The following CCDC102B variants were observed in gnomAD, a reference collection of about 807,000 sequenced individuals.
CCDC102B encodes the protein coiled-coil domain containing 102B, also known as coiled-coil domain-containing protein 102B.
Under a neutral mutation model 57.4 loss-of-function variants are expected in CCDC102B, and 75 were observed. The observed-to-expected ratio is 1.31, with a 90% CI of 1.08 to 1.58. The LOEUF (loss-of-function observed/expected upper bound fraction) is 1.58, where lower values mean the gene tolerates loss of function less well. CCDC102B is among the 40% of genes most tolerant of loss of function. The pLI is 0.00. For missense variants in CCDC102B, 636 were observed against 582.6 expected, an observed-to-expected ratio of 1.09 and a Z score of -0.94; for synonymous variants, 206 against 201.9, an observed-to-expected ratio of 1.02 and a Z score of -0.17.
chr18:68,999,230 T>G (rs544643084), intron 6 of CCDC102B, among the ~76,000 whole-genome samples: 2 of 152,022 alleles, frequency 1.3e-5, no homozygotes, highest in East Asian at 3.9e-4. Context: ...TAGAAGGTTT[T>G]GCTTTGAGGG....
At chr18:68,960,871 G>T (rs1033887099) in intron 6 of CCDC102B, among the ~76,000 whole-genome samples, 1 of 152,152 alleles carries the variant, frequency 6.6e-6, no homozygotes, top group Non-Finnish European at 1.5e-5. Context: ...GCCAAGGGAT[G>T]GGGAAGGTGG....
At chr18:68,897,581 G>A in intron 6 of CCDC102B, 153 bp downstream of exon 6, 1 of 1,577,920 alleles carries the variant, frequency 6.3e-7, no homozygotes, top group Non-Finnish European at 8.6e-7. Context: ...CCACTAGGAT[G>A]TAAAATAACG....
chr18:68,728,960 A>T lies in CCDC102B; in HGVS notation c.-67+12366A>T, dbSNP rs575182961. On this transcript the variant is annotated intron_variant, in intron 2 of 3. Transcript: ENST00000578970. ...GATTTTTTTTTAAAAAAGTTCATGT[A>T]TTCTGCGGGAGTAAATTTAAAAAAA... Among the ~76,000 whole-genome samples, 3 of 152,238 alleles carry T rather than the reference A, an allele frequency of 2.0e-5. No homozygotes were observed. In the South Asian group the frequency reaches 6.2e-4, roughly 32 times the overall value.
intron 7 of CCDC102B, among the ~76,000 whole-genome samples, chr18:69,019,522 CA>C (rs2051767010): frequency 6.6e-6 from 1 of 151,660 alleles, no homozygotes; most frequent in African/African-American, 2.4e-5. Flanking sequence ...ATTTCTTGTT[CA>C]GATAGTTTGT....
At chr18:68,777,586 G>A (rs2034865537) in intron 2 of CCDC102B, among the ~76,000 whole-genome samples, 1 of 151,900 alleles carries the variant, frequency 6.6e-6, no homozygotes, top group Non-Finnish European at 1.5e-5. Flanking sequence ...TCTTTTTCTT[G>A]GCATGGGTTA....
At chr18:68,921,078 T>C (rs2041261411) in intron 6 of CCDC102B, among the ~76,000 whole-genome samples, 1 of 152,144 alleles carries the variant, frequency 6.6e-6, no homozygotes, top group South Asian at 2.1e-4. Flanking sequence ...TTCACCTACT[T>C]AGTTATGAAC....
chr18:69,053,553 A>G (rs959431979), intron 7 of CCDC102B, among the ~76,000 whole-genome samples: 1 of 151,838 alleles, frequency 6.6e-6, no homozygotes, highest in Non-Finnish European at 1.5e-5. Context: ...CTCTATTAAA[A>G]TAAATGAATA....
intron 6 of CCDC102B, among the ~76,000 whole-genome samples, chr18:68,912,564 T>C (rs925412461): frequency 6.6e-6 from 1 of 152,218 alleles, no homozygotes; most frequent in Non-Finnish European, 1.5e-5. Flanking sequence ...TATATTTGCA[T>C]TGAATAAGTT....
chr18:68,990,506 T>G (rs2050836003), intron 6 of CCDC102B, among the ~76,000 whole-genome samples: 3 of 152,214 alleles, frequency 2.0e-5, no homozygotes. Flanking sequence ...CCTCATTTTT[T>G]GTTTATCTTG....
chr18:68,982,481 A>G (rs2050615413), intron 6 of CCDC102B, among the ~76,000 whole-genome samples: 1 of 151,872 alleles, frequency 6.6e-6, no homozygotes, highest in African/African-American at 2.4e-5. Flanking sequence ...TACTCACCTA[A>G]ACATTTTAGT....
chr18:68,864,414 C>T (rs2038889689), intron 4 of CCDC102B, among the ~76,000 whole-genome samples: 2 of 152,020 alleles, frequency 1.3e-5, no homozygotes, highest in Non-Finnish European at 2.9e-5. Context: ...TGGGATCCTA[C>T]TGCTGCCTGC....
At chr18:69,015,374 A>G (rs2051637500) in intron 7 of CCDC102B, among the ~76,000 whole-genome samples, 1 of 152,212 alleles carries the variant, frequency 6.6e-6, no homozygotes, top group South Asian at 2.1e-4. Flanking sequence ...TCTCTGATTA[A>G]AGGTCACCAC....
intron 5 of CCDC102B, among the ~76,000 whole-genome samples, chr18:68,892,397 G>T (rs1005213748): frequency 4.6e-5 from 7 of 152,036 alleles, no homozygotes; most frequent in Admixed American, 6.6e-5. Flanking sequence ...CCACCATAGC[G>T]CATGTTTTCT....
intron 6 of CCDC102B, among the ~76,000 whole-genome samples, chr18:68,967,020 C>G (rs781090497): frequency 1.3e-5 from 2 of 152,004 alleles, no homozygotes; most frequent in Non-Finnish European, 2.9e-5. Context: ...GACAGAAACA[C>G]GAGGGAAATA....
intron 6 of CCDC102B, among the ~76,000 whole-genome samples, chr18:68,919,479 C>A (rs1343311690): frequency 1.3e-5 from 2 of 152,080 alleles, no homozygotes; most frequent in Non-Finnish European, 2.9e-5. Context: ...AGATTAATTA[C>A]AATTTTGTTG....
At chr18:68,774,561 A>T (rs1222376084) in intron 2 of CCDC102B, among the ~76,000 whole-genome samples, 1 of 152,082 alleles carries the variant, frequency 6.6e-6, no homozygotes, top group Non-Finnish European at 1.5e-5. Context: ...ACTACCACCA[A>T]GAATATGATT....
intron 6 of CCDC102B, among the ~76,000 whole-genome samples, chr18:68,908,922 T>A (rs7230790): frequency 4.0e-4 from 60 of 151,814 alleles, no homozygotes; most frequent in African/African-American, 1.4e-3. Flanking sequence ...GTGGCTCTTC[T>A]TGTACTGATC....
intron 7 of CCDC102B, among the ~76,000 whole-genome samples, chr18:69,049,102 A>G (rs2052637808): frequency 6.6e-6 from 1 of 151,478 alleles, no homozygotes; most frequent in African/African-American, 2.4e-5. Flanking sequence ...TAGGTTTGTT[A>G]CATAGGTATA....
chr18:68,739,950 C>T (rs1466631670), intron 2 of CCDC102B, among the ~76,000 whole-genome samples: 1 of 152,164 alleles, frequency 6.6e-6, no homozygotes, highest in African/African-American at 2.4e-5. Flanking sequence ...ATTATGATAT[C>T]ATTACTAGTA....
Sources: allele counts gnomAD v4.1 joint callset (sites outside exome capture counted in the v4.1 genomes callset), GRCh38; gene constraint gnomAD v4.1.1; transcripts MANE v1.5; gene names NCBI Gene and HGNC (gene_info 2026-07-23, HGNC 2026-07-21).